Variants in RAB27B observed in about 807,000 individuals in gnomAD.
RAB27B encodes the protein ras-related protein Rab-27B.
In RAB27B, 15 loss-of-function variants were observed where a neutral mutation model predicts 24.6. The ratio of observed to expected loss-of-function variants is 0.61; its 90% CI spans 0.41 to 0.94. The LOEUF is 0.94. RAB27B is among the 40% of genes least tolerant of loss of function. The pLI is 0.00. For missense variants in RAB27B, 261 were observed against 266.8 expected (o/e 0.98, Z 0.15); for synonymous variants, 105 against 92.5 (o/e 1.14, Z -0.78).
intron 2 of RAB27B, among the ~76,000 whole-genome samples, chr18:54,751,294 G>A (rs1175674379): frequency 2.0e-5 from 3 of 152,168 alleles, no homozygotes; most frequent in South Asian, 2.1e-4. Flanking sequence ...GGGAAGTGAT[G>A]TAGAGGGGGA....
intron 2 of RAB27B, among the ~76,000 whole-genome samples, chr18:54,776,862 C>A (rs978033440): frequency 6.6e-6 from 1 of 151,898 alleles, no homozygotes; most frequent in African/African-American, 2.4e-5. Context: ...CTGGACAACA[C>A]GGCGAAACAC....
At chr18:54,846,104 T>C (rs980326109) in intron 1 of RAB27B, among the ~76,000 whole-genome samples, 4 of 152,312 alleles carry the variant, frequency 2.6e-5, no homozygotes, top group Non-Finnish European at 5.9e-5. Context: ...ATGTCCCCCA[T>C]GGTCAGCGCT....
intron 2 of RAB27B, among the ~76,000 whole-genome samples, chr18:54,776,299 C>T (rs1908714309): frequency 6.6e-6 from 1 of 152,218 alleles, no homozygotes; most frequent in Non-Finnish European, 1.5e-5. Context: ...TAAACCAAAC[C>T]TTTTCTGAGG....
intron 2 of RAB27B, among the ~76,000 whole-genome samples, chr18:54,757,422 TATC>T (rs1280466565): frequency 2.0e-5 from 3 of 152,204 alleles, no homozygotes; most frequent in Non-Finnish European, 2.9e-5. Context: ...ACTTCGCAAT[TATC>T]ATACCTTTTG....
intron 4 of RAB27B, among the ~76,000 whole-genome samples, chr18:54,886,787 A>C (rs1568116935): frequency 6.6e-6 from 1 of 152,092 alleles, no homozygotes; most frequent in Non-Finnish European, 1.5e-5. Context: ...TGTCATGCCT[A>C]ATAACACTTT....
chr18:54,872,857 A>G (rs1325836211), intron 1 of RAB27B, among the ~76,000 whole-genome samples: 1 of 152,172 alleles, frequency 6.6e-6, no homozygotes, highest in East Asian at 1.9e-4. Flanking sequence ...ACAAATATGT[A>G]TTGAGCTCCT....
intron 1 of RAB27B, among the ~76,000 whole-genome samples, chr18:54,839,932 A>G (rs1911042935): frequency 1.3e-5 from 2 of 152,346 alleles, no homozygotes; most frequent in Admixed American, 1.3e-4. Flanking sequence ...AACATTATAA[A>G]TAATAGTTGC....
intron 2 of RAB27B, among the ~76,000 whole-genome samples, chr18:54,807,152 G>A (rs1456981906): frequency 2.0e-5 from 3 of 152,178 alleles, no homozygotes; most frequent in Non-Finnish European, 4.4e-5. Flanking sequence ...GCCGGCGTTG[G>A]CCTCCCAAAG....
chr18:54,790,616 TA>T (rs72301787), intron 2 of RAB27B, among the ~76,000 whole-genome samples: 6,172 of 38,862 alleles, frequency 0.16, 190 homozygotes, highest in Admixed American at 0.32. Flanking sequence ...TAAACAAAAA[TA>T]TTTTTTTTCT....
At chr18:54,865,590 T>C (rs769723065) in intron 1 of RAB27B, among the ~76,000 whole-genome samples, 5 of 152,312 alleles carry the variant, frequency 3.3e-5, no homozygotes, top group Admixed American at 6.5e-5. Flanking sequence ...TTGTCATCAA[T>C]GTGAGCTGAA....
At chr18:54,888,141 G>C in intron 5 of RAB27B, 23 bp downstream of exon 5, 1 of 1,610,394 alleles carries the variant, frequency 6.2e-7, no homozygotes, top group Non-Finnish European at 8.5e-7. Flanking sequence ...CACTGAGATG[G>C]CATGTGACTT....
chr18:54,890,225 T>C lies in RAB27B; in HGVS notation c.*812T>C, dbSNP rs944599390. On this transcript the variant is annotated 3_prime_UTR_variant, in exon 6 of 6. Transcript: ENST00000262094. The stretch of plus-strand genomic sequence containing the variant: ...TTTACTCAAGCCAATTAGGAGCTGA[T>C]ATTATCAGTTGGAATTAAGAGAACT... 1.3e-5 allele frequency: 2 copies of C among 152,124 alleles called. No homozygotes were observed. Among genetic ancestry groups the C allele is most frequent in the African/African-American group, 2.4e-5 (1 of 41,446 alleles). 9.4% of individuals were successfully genotyped at this position (152,124 alleles called of 1,614,324 possible).
chr18:54,757,733 TCA>T (rs1424602199), intron 2 of RAB27B, among the ~76,000 whole-genome samples: 1 of 152,166 alleles, frequency 6.6e-6, no homozygotes, highest in Non-Finnish European at 1.5e-5. Context: ...CTAGTTGAGA[TCA>T]TTCTAGTACA....
chr18:54,821,711 A>ATGT, intron 2 of RAB27B, among the ~76,000 whole-genome samples: 1 of 152,260 alleles, frequency 6.6e-6, no homozygotes, highest in African/African-American at 2.4e-5. Flanking sequence ...GTAATCATAT[A>ATGT]GCATGTGATT....
chr18:54,878,932 G>A (rs1267198143), intron 2 of RAB27B, among the ~76,000 whole-genome samples: 2 of 152,082 alleles, frequency 1.3e-5, no homozygotes, highest in Admixed American at 1.3e-4. Context: ...GCACTTTACT[G>A]TTTTAAAAAA....
At chr18:54,723,349 A>G (rs1201958268) in intron 2 of RAB27B, among the ~76,000 whole-genome samples, 1 of 152,078 alleles carries the variant, frequency 6.6e-6, no homozygotes, top group African/African-American at 2.4e-5. Flanking sequence ...ATGTATTGGG[A>G]TTGGGTTTTA....
intron 2 of RAB27B, among the ~76,000 whole-genome samples, chr18:54,773,049 A>ACTT (rs10693480): frequency 0.055 from 8,408 of 151,814 alleles, 294 homozygotes; most frequent in Admixed American, 0.084. Context: ...CCATGCCTAT[A>ACTT]CTTCTTTTTT....
chr18:54,719,113 TTAAC>T (rs1399076291), intron 2 of RAB27B, among the ~76,000 whole-genome samples: 6 of 152,148 alleles, frequency 3.9e-5, no homozygotes, highest in Non-Finnish European at 5.9e-5. Flanking sequence ...AAGAAAATAT[TTAAC>T]TAAGACACAA....
intron 4 of RAB27B, among the ~76,000 whole-genome samples, chr18:54,887,094 C>G (rs183829400): frequency 7.0e-6 from 1 of 142,264 alleles, no homozygotes; most frequent in African/African-American, 2.6e-5. Flanking sequence ...TCTCCTCCCC[C>G]CTCCGCCCAC....
Sources: allele counts gnomAD v4.1 joint callset (sites outside exome capture counted in the v4.1 genomes callset), GRCh38; gene constraint gnomAD v4.1.1; transcripts MANE v1.5; gene names NCBI Gene and HGNC (gene_info 2026-07-23, HGNC 2026-07-21).